The following MCCC1 variants were observed in gnomAD, a reference collection of about 807,000 sequenced individuals.
The protein encoded by MCCC1 is methylcrotonoyl-CoA carboxylase subunit alpha, mitochondrial.
A neutral mutation model predicts 83.8 loss-of-function variants in MCCC1; 64 were observed. The observed-to-expected ratio is 0.76, with a 90% CI of 0.62 to 0.94. The LOEUF (loss-of-function observed/expected upper bound fraction) is 0.94. MCCC1 is among the 40% of genes least tolerant of loss of function. MCCC1 has a pLI of 0.00. For synonymous variants in MCCC1, 322 were observed against 315.4 expected (o/e 1.02, Z -0.22); for missense variants, 807 against 904.7 (o/e 0.89, Z 1.39).
At chr3:183,094,479 T>C in intron 2 of MCCC1, 80 bp downstream of exon 2, 1 of 1,317,638 alleles carries the variant, frequency 7.6e-7, no homozygotes, top group Non-Finnish European at 1.1e-6. Flanking sequence ...TATGCATATA[T>C]TAAGGGATTA....
At chr3:183,088,026 G>A (rs753475636) in intron 3 of MCCC1, among the ~76,000 whole-genome samples, 7 of 151,996 alleles carry the variant, frequency 4.6e-5, no homozygotes, top group Admixed American at 6.6e-5. Flanking sequence ...CTGAGTGACC[G>A]AAGAAGGCTT....
At chr3:183,020,630 C>CA (rs567946721) in intron 16 of MCCC1, among the ~76,000 whole-genome samples, 70 of 142,748 alleles carry the variant, frequency 4.9e-4, no homozygotes, top group East Asian at 1.6e-3. Context: ...GACTCTGACT[C>CA]AAAAAAAAAA....
intron 1 of MCCC1, among the ~76,000 whole-genome samples, chr3:183,104,903 G>A (rs1719382117): frequency 6.6e-6 from 1 of 152,172 alleles, no homozygotes; most frequent in Admixed American, 6.5e-5. Context: ...TATCAAAATT[G>A]CAAATCCACA....
intron 4 of MCCC1, among the ~76,000 whole-genome samples, chr3:183,077,638 T>C (rs1230392621): frequency 6.6e-6 from 1 of 152,110 alleles, no homozygotes; most frequent in African/African-American, 2.4e-5. Flanking sequence ...TTTTTTTTCG[T>C]GAACCTTTCT....
intron 11 of MCCC1, among the ~76,000 whole-genome samples, chr3:183,040,861 G>A (rs567719812): frequency 6.6e-6 from 1 of 152,262 alleles, no homozygotes; most frequent in South Asian, 2.1e-4. Flanking sequence ...AAGATGACAG[G>A]AGACCGTGGA....
chr3:183,091,603 A>AAAAC (rs1560279713), intron 3 of MCCC1, among the ~76,000 whole-genome samples: 1 of 150,668 alleles, frequency 6.6e-6, no homozygotes, highest in African/African-American at 2.5e-5. Flanking sequence ...CAAAACAAAA[A>AAAAC]AAACTAGTAA....
At chr3:183,068,036 C>A (rs1033124837) in intron 7 of MCCC1, among the ~76,000 whole-genome samples, 23 of 152,152 alleles carry the variant, frequency 1.5e-4, no homozygotes, top group Admixed American at 1.5e-3. Flanking sequence ...GGAATATCAT[C>A]ACCCCATTCA....
chr3:183,064,204 G>A lies in MCCC1; in HGVS notation c.762-6782C>T, dbSNP rs1716067290. On this transcript the variant is annotated intron_variant, in intron 7 of 18. Coordinates refer to ENST00000265594, the MANE Select transcript of MCCC1 (RefSeq NM_020166.5). The surrounding 1 kb of genome is among the most constrained non-coding windows in gnomAD (Gnocchi z 4.5). Reference sequence around the variant, plus strand: ...GGATTAGGCATGTACAGGATGGTGGGACATGGGGAGCTTTTACCTCCCTAA... The same window carrying A: ...GGATTAGGCATGTACAGGATGGTGGAACATGGGGAGCTTTTACCTCCCTAA... Among the ~76,000 whole-genome samples the A allele has an allele frequency of 6.6e-6, 1 of 151,816 alleles. No homozygotes were observed. The highest frequency in any genetic ancestry group is 2.1e-4 in the South Asian group (1 of 4,822).
chr3:183,099,137 T>C (rs1341715393), intron 1 of MCCC1: 9 of 610,808 alleles, frequency 1.5e-5, no homozygotes, highest in Non-Finnish European at 2.6e-5. Context: ...CGCTGAAGCG[T>C]GGATGTGCGG....
At chr3:183,019,317 C>A (rs1031816756) in intron 17 of MCCC1, among the ~76,000 whole-genome samples, 4 of 152,044 alleles carry the variant, frequency 2.6e-5, no homozygotes, top group Non-Finnish European at 5.9e-5. Flanking sequence ...ATGTCTATAT[C>A]CCTCCAGAAT....
At chr3:183,044,871 G>A (rs575830121) in intron 10 of MCCC1, among the ~76,000 whole-genome samples, 44 of 151,694 alleles carry the variant, frequency 2.9e-4, no homozygotes, top group African/African-American at 9.9e-4. Context: ...CCTGTTTTAG[G>A]AGGCCAGAAG....
chr3:183,029,522 C>G (rs1229834098), intron 14 of MCCC1, among the ~76,000 whole-genome samples: 1 of 152,208 alleles, frequency 6.6e-6, no homozygotes, highest in Non-Finnish European at 1.5e-5. Flanking sequence ...ATGCCTCGTA[C>G]TCCTTCGCTT....
intron 1 of MCCC1, among the ~76,000 whole-genome samples, chr3:183,106,887 T>A (rs1719415581): frequency 6.6e-6 from 1 of 152,106 alleles, no homozygotes; most frequent in Non-Finnish European, 1.5e-5. Flanking sequence ...ACACACACAC[T>A]CACACATGCA....
intron 12 of MCCC1, among the ~76,000 whole-genome samples, chr3:183,037,716 C>T (rs1713744992): frequency 6.6e-6 from 1 of 152,160 alleles, no homozygotes; most frequent in Non-Finnish European, 1.5e-5. Flanking sequence ...AATACCGAGG[C>T]ACTTACTTGA....
At chr3:183,084,255 T>C (rs1455136461) in intron 4 of MCCC1, among the ~76,000 whole-genome samples, 1 of 152,234 alleles carries the variant, frequency 6.6e-6, no homozygotes. Context: ...TGGACCACAC[T>C]TTGAGTAGCA....
exon 1 of MCCC1, chr3:183,115,631 C>T (rs1484987514): frequency 6.6e-6 from 1 of 152,332 alleles, no homozygotes; most frequent in Non-Finnish European, 1.5e-5. Context: ...GTGGGTGGAT[C>T]ATCTGAGGTC....
chr3:183,088,105 A>G (rs1718037395), intron 3 of MCCC1, among the ~76,000 whole-genome samples: 1 of 152,082 alleles, frequency 6.6e-6, no homozygotes, highest in Non-Finnish European at 1.5e-5. Flanking sequence ...AGCTGGGCAC[A>G]GATTTCAAAG....
At chr3:183,072,341 T>C (rs1375141366) in intron 5 of MCCC1, 25 bp downstream of exon 5, 3 of 1,612,802 alleles carry the variant, frequency 1.9e-6, no homozygotes, top group Non-Finnish European at 2.5e-6. Context: ...CATACAGTTA[T>C]ATTTTAAAAG....
intron 13 of MCCC1, among the ~76,000 whole-genome samples, chr3:183,035,355 A>G (rs957196364): frequency 3.9e-5 from 6 of 152,168 alleles, no homozygotes; most frequent in Non-Finnish European, 7.3e-5. Context: ...GACTTAAAAC[A>G]TTTTACATTT....
Sources: allele counts gnomAD v4.1 joint callset (sites outside exome capture counted in the v4.1 genomes callset), GRCh38; gene constraint gnomAD v4.1.1; non-coding constraint Gnocchi (gnomAD v3.1); transcripts MANE v1.5; gene names NCBI Gene and HGNC (gene_info 2026-07-23, HGNC 2026-07-21).